GPSM1: variants seen among roughly 807,000 people sequenced by gnomAD.
The protein encoded by GPSM1 is G protein-signaling modulator 1.
GPSM1 carries 48 observed loss-of-function variants against 70.5 expected under a neutral mutation model. The ratio of observed to expected loss-of-function variants is 0.68; its 90% confidence interval spans 0.54 to 0.87. The LOEUF (loss-of-function observed/expected upper bound fraction) is 0.87. Ranked by LOEUF, GPSM1 falls within the 40% of genes least tolerant of loss-of-function variation. The pLI, the probability that GPSM1 is intolerant of heterozygous loss-of-function variation, is 0.00. For synonymous variants in GPSM1, 416 were observed against 430.1 expected, an observed-to-expected ratio of 0.97 and a Z score of 0.41; for missense variants, 981 against 972.6, an observed-to-expected ratio of 1.01 and a Z score of -0.11.
chr9:136,349,048 A>T (rs1832593373), intron 10 of GPSM1, among the ~76,000 whole-genome samples: 1 of 152,194 alleles, frequency 6.6e-6, no homozygotes, highest in African/African-American at 2.4e-5. Flanking sequence ...GAGCCCACAG[A>T]CAGGGGCACC....
Position 136,341,190 on chromosome 9 carries a change from C to T in GPSM1, c.1207+197C>T. 6.5e-7 allele frequency: 1 copy of T among 1,546,058 alleles called. No individual in the cohort carries two copies. Among genetic ancestry groups the T allele is most frequent in the Non-Finnish European group, 8.7e-7 (1 of 1,144,700 alleles). ...CACCCTGAGCCCTTCCCACCCGCAT[C>T]CTGAGTGGCGCTGCAGGGCTGCTGG... On this transcript the variant is annotated intron_variant, in intron 9 of 13. Transcript: ENST00000440944. This position sits in a 1 kb window ranked among gnomAD's most constrained non-coding sequence, Gnocchi z 6.7.
chr9:136,353,442 GC>G (rs1242328328), intron 11 of GPSM1, among the ~76,000 whole-genome samples: 1 of 152,184 alleles, frequency 6.6e-6, no homozygotes, highest in African/African-American at 2.4e-5. Flanking sequence ...GGGGAAGGTG[GC>G]CTTGGGGCCC....
chr9:136,354,996 G>T (rs1418037075), intron 11 of GPSM1: 1 of 1,087,924 alleles, frequency 9.2e-7, no homozygotes, highest in Non-Finnish European at 1.1e-6. Context: ...GAGGGGAGAA[G>T]TCCGGGGCAG....
At chr9:136,353,237 TGG>T (rs1832719782) in intron 11 of GPSM1, 1 of 339,132 alleles carries the variant, frequency 2.9e-6, no homozygotes, top group African/African-American at 2.2e-5. Context: ...GGGGTGGTCT[TGG>T]GCCGGGTGCA....
chr9:136,338,068 C>A (rs1554769600), intron 6 of GPSM1, 107 bp downstream of exon 6: 2 of 731,502 alleles, frequency 2.7e-6, no homozygotes, highest in Middle Eastern at 2.7e-4. Flanking sequence ...CTCCCCTCCC[C>A]TCCCCAGAAG....
rs1554769175 is a variant in GPSM1, at chr9:136,336,055, T to C, written c.380T>C (p.Val127Ala). Reference protein sequence around the residue: ...KVLGRFDEAAVCCQRHLSIAQ... With the variant: ...KVLGRFDEAAACCQRHLSIAQ... ...CTGGGGCGCTTCGACGAGGCTGCCG[T>C]CTGCTGCCAGCGGCATCTGAGCATC... is the stretch of plus-strand genomic sequence containing the variant. The change falls in exon 3 of 14, where the codon GTC becomes GCC. Residue 127 changes from valine to alanine, a missense_variant. Physicochemically the swap from Val to Ala is moderately conservative, Grantham distance 64. Transcript: ENST00000440944. 6.2e-7 allele frequency: 1 copy of C among 1,612,264 alleles called. No homozygotes were observed. The highest frequency in any genetic ancestry group is 1.1e-5 in the South Asian group (1 of 91,034).
In GPSM1 at chr9:136,340,774, C is replaced by G; in HGVS notation, c.1084-96C>G. ...GACCAGTTCAGGTCACTCAGAAGGT[C>G]AGGGACGGGTGTACTGGGGGCCATT... On this transcript the variant is annotated intron_variant, in intron 8 of 13. Transcript: ENST00000440944. The surrounding 1 kb of genome is among the most constrained non-coding windows in gnomAD (Gnocchi z 7.3). 2 of 1,457,426 alleles carry G rather than the reference C, an allele frequency of 1.4e-6. No homozygotes were observed. The highest frequency in any genetic ancestry group is 2.8e-5 in the South Asian group (2 of 71,858). The allele number at this position is 1,457,426 out of a possible 1,614,324, so 90.3% of individuals were successfully genotyped here.
At chr9:136,354,638 C>T (rs1457705242) in intron 11 of GPSM1, among the ~76,000 whole-genome samples, 7 of 152,212 alleles carry the variant, frequency 4.6e-5, no homozygotes, top group African/African-American at 1.7e-4. Flanking sequence ...CCCTGGGGCC[C>T]GGACCAGGCC....
At chr9:136,336,408 G>A (rs567369506) in intron 3 of GPSM1, among the ~76,000 whole-genome samples, 1 of 152,322 alleles carries the variant, frequency 6.6e-6, no homozygotes, top group South Asian at 2.1e-4. Flanking sequence ...GGCCCAGCGG[G>A]AGGCAGGGGG....
intron 13 of GPSM1, among the ~76,000 whole-genome samples, chr9:136,357,676 T>C (rs1409515658): frequency 1.3e-5 from 2 of 152,144 alleles, no homozygotes; most frequent in Non-Finnish European, 2.9e-5. Flanking sequence ...TCCCTGGGGA[T>C]CAGCAGATGT....
In GPSM1 at chr9:136,356,400, C is replaced by T; in HGVS notation, c.1671C>T (p.Ser557=). 1.2e-6 allele frequency: 2 copies of T among 1,609,308 alleles called. No individual in the cohort carries two copies. ...QTEEFFDLIA[S]SQSRRLDDQR... is the part of the protein sequence containing the mutation. ...AGGAATTCTTCGACCTCATCGCCAGCTCCCAGAGCCGCCGGCTGGACGACC... is the reference window on the plus strand; with the variant it reads ...AGGAATTCTTCGACCTCATCGCCAGTTCCCAGAGCCGCCGGCTGGACGACC... The change falls in exon 13 of 14, where the codon AGC becomes AGT. Residue 557 remains serine (S), a synonymous_variant. Coordinates refer to ENST00000440944, the MANE Select transcript of GPSM1 (RefSeq NM_001145638.3).
chr9:136,357,979 G>T (rs782810987), intron 13 of GPSM1, 35 bp from the exon 14 acceptor site: 40 of 1,559,780 alleles, frequency 2.6e-5, no homozygotes, highest in East Asian at 4.5e-5. Flanking sequence ...TGGGGCTGGG[G>T]GGGTGAGGCC....
chr9:136,334,046 C>T (rs1832165140), intron 1 of GPSM1, among the ~76,000 whole-genome samples: 1 of 151,932 alleles, frequency 6.6e-6, no homozygotes, highest in African/African-American at 2.4e-5. Context: ...CAGCTGTGGT[C>T]GCTCAGGAGG....
chr9:136,335,306 C>T (rs1224409294), intron 2 of GPSM1, among the ~76,000 whole-genome samples: 9 of 152,128 alleles, frequency 5.9e-5, no homozygotes, highest in Non-Finnish European at 5.9e-5. Context: ...TCCTGCCTGG[C>T]GTCATCCACT....
chr9:136,338,000 C>T (rs781803639), intron 6 of GPSM1, 39 bp downstream of exon 6: 132 of 1,350,826 alleles, frequency 9.8e-5, no homozygotes, highest in East Asian at 3.3e-4. Context: ...GACAGCAGGC[C>T]GGGGGGGCTG....
intron 11 of GPSM1, among the ~76,000 whole-genome samples, chr9:136,354,642 C>A (rs1051434822): frequency 2.0e-5 from 3 of 152,244 alleles, no homozygotes; most frequent in East Asian, 3.8e-4. Flanking sequence ...GGGGCCCGGA[C>A]CAGGCCCTGT....
rs782685201 is a variant in GPSM1 at position 136,340,858 on chromosome 9, C to G, written c.1084-12C>G. 8 of 1,561,574 alleles carry G rather than the reference C, an allele frequency of 5.1e-6. No individual in the cohort carries two copies. Among genetic ancestry groups the G allele is most frequent in the Non-Finnish European group, 6.1e-6 (7 of 1,156,382 alleles). On this transcript the variant is annotated splice_polypyrimidine_tract_variant and intron_variant, in intron 8 of 13. Coordinates refer to ENST00000440944, the MANE Select transcript of GPSM1 (RefSeq NM_001145638.3). This position sits in a 1 kb window ranked among gnomAD's most constrained non-coding sequence, Gnocchi z 7.3. ...GCCACACCTGCCCGCTCCGCCACCCCACTCGCCGCAGATCGGGGACCGCCA... is the reference window on the plus strand; with the variant it reads ...GCCACACCTGCCCGCTCCGCCACCCGACTCGCCGCAGATCGGGGACCGCCA...
intron 4 of GPSM1, 89 bp from the exon 5 acceptor site, chr9:136,337,352 G>C: frequency 6.6e-7 from 1 of 1,517,616 alleles, no homozygotes; most frequent in Non-Finnish European, 8.9e-7. Context: ...CCCTGAGGCC[G>C]CATGGAGGCC....
intron 1 of GPSM1, chr9:136,332,219 C>T (rs1418322633): frequency 5.0e-6 from 2 of 398,920 alleles, no homozygotes; most frequent in Non-Finnish European, 8.8e-6. Flanking sequence ...GGTGCCAGGG[C>T]GTGGTTGGAG....
Sources: gnomAD v4.1 joint callset for allele counts (sites outside exome capture counted in the v4.1 genomes callset) on GRCh38, gnomAD v4.1.1 for gene constraint, Gnocchi (gnomAD v3.1) non-coding constraint, MANE v1.5 for transcripts, NCBI Gene and HGNC (gene_info 2026-07-23, HGNC 2026-07-21) for gene names.